The following PCDHA12 variants were observed in gnomAD, a reference collection of about 807,000 sequenced individuals.
PCDHA12 encodes the protein protocadherin alpha 12.
A neutral mutation model predicts 60.0 loss-of-function variants in PCDHA12; 44 were observed. The ratio of observed to expected loss-of-function variants is 0.73; its 90% CI spans 0.58 to 0.94. PCDHA12 has a LOEUF of 0.94. PCDHA12 is among the 40% of genes least tolerant of loss of function. PCDHA12 has a pLI of 0.00. For missense variants in PCDHA12, 1,276 were observed against 1,239.7 expected (o/e 1.03, Z -0.44); for synonymous variants, 569 against 553.0 (o/e 1.03, Z -0.40).
intron 3 of PCDHA12, among the ~76,000 whole-genome samples, chr5:140,995,541 G>T (rs1444257516): frequency 6.6e-5 from 10 of 152,186 alleles, no homozygotes; most frequent in Non-Finnish European, 1.3e-4. Context: ...CAAATAAGGG[G>T]CGATCACTGT....
At chr5:140,924,596 T>C (rs1309205821) in intron 1 of PCDHA12, among the ~76,000 whole-genome samples, 1 of 152,116 alleles carries the variant, frequency 6.6e-6, no homozygotes, top group Non-Finnish European at 1.5e-5. Context: ...TATAGAAATA[T>C]GCAGGCTGAT....
rs28619398 is a variant in PCDHA12 at position 140,895,037 on chromosome 5, C to T, written c.2367+17198C>T. 4.7e-3 allele frequency among the ~76,000 whole-genome samples: 720 copies of T among 152,250 alleles called. 7 individuals are homozygous for T. The highest frequency in any genetic ancestry group is 0.016 in the African/African-American group (670 of 41,558). ...TTTTCCTTTGTTTAATTGTCCCCCA[C>T]CCACACCATTCTGCTTCATATGGAC... is the stretch of plus-strand genomic sequence containing the variant. On this transcript the variant is annotated intron_variant, in intron 1 of 3. Transcript: ENST00000398631.
At chr5:140,884,665 A>G (rs1554181817) in intron 1 of PCDHA12, 9 of 1,578,032 alleles carry the variant, frequency 5.7e-6, no homozygotes, top group Non-Finnish European at 7.7e-6. Context: ...TGAAAGAGGT[A>G]AGCTTATATT....
rs565763627 is a variant in PCDHA12, at chr5:140,989,336, C to G, written c.2515+6773C>G. ...GTCTCACCAACTTTGCCACCTGACT[C>G]AGCTCAAAGGTGATAGGTCACCTGT... is the stretch of plus-strand genomic sequence containing the variant. On this transcript the variant is annotated intron_variant, in intron 3 of 3. Transcript: ENST00000398631. Among the ~76,000 whole-genome samples, 6 of 152,272 alleles carry G rather than the reference C, an allele frequency of 3.9e-5. 1 individual carries two copies. In the South Asian group the frequency reaches 1.0e-3, roughly 26 times the overall value.
Position 140,877,390 on chromosome 5 carries a change from G to C in PCDHA12, c.1918G>C (p.Ala640Pro). The change falls in exon 1 of 4, where the codon GCG becomes CCG. Residue 640 changes from alanine to proline, a missense_variant. Physicochemically the swap from Ala to Pro is conservative, Grantham distance 27. Transcript: ENST00000398631. The part of the protein sequence containing the change: ...EISTTRILDE[A>P]DAPRHRLLVL... ...CAGCACGACACGCATCCTGGATGAG[G>C]CGGACGCTCCGCGCCACCGCCTGCT... 6.2e-7 allele frequency: 1 copy of C among 1,613,986 alleles called. No homozygotes were observed. The highest frequency in any genetic ancestry group is 8.5e-7 in the Non-Finnish European group (1 of 1,179,888).
In PCDHA12 at chr5:141,010,039, T is replaced by G. The variant is rs2098415843; in HGVS notation, c.*102T>G. ...TCCTTTTTCCTATCTACATGAGCCCTCTTAGAGACCTCAGAAATCTGCAGA... is the reference window on the plus strand; with the variant it reads ...TCCTTTTTCCTATCTACATGAGCCCGCTTAGAGACCTCAGAAATCTGCAGA... On this transcript the variant is annotated 3_prime_UTR_variant, in exon 4 of 4. Coordinates refer to ENST00000398631, the MANE Select transcript of PCDHA12 (RefSeq NM_018903.4). The G allele has an allele frequency of 1.4e-5, 23 of 1,593,158 alleles. No homozygotes were observed. Among genetic ancestry groups the G allele is most frequent in the Non-Finnish European group, 1.8e-5 (21 of 1,170,616 alleles).
chr5:140,967,217 C>T, intron 1 of PCDHA12: 1 of 1,613,682 alleles, frequency 6.2e-7, no homozygotes, highest in Non-Finnish European at 8.5e-7. Flanking sequence ...TTTCCCGCGG[C>T]CCAACTACCA....
chr5:140,968,823 A>G (rs569036779), intron 1 of PCDHA12: 3 of 1,614,192 alleles, frequency 1.9e-6, no homozygotes, highest in Non-Finnish European at 2.5e-6. Context: ...AGGGTTTCCA[A>G]AATCCTCCCT....
chr5:140,910,127 C>T (rs1323587900), intron 1 of PCDHA12, among the ~76,000 whole-genome samples: 5 of 152,202 alleles, frequency 3.3e-5, no homozygotes, highest in African/African-American at 1.2e-4. Context: ...GGTCTGTAAA[C>T]TGGTTTAAGT....
At chr5:140,935,598 G>A (rs540310470) in intron 1 of PCDHA12, among the ~76,000 whole-genome samples, 5 of 152,148 alleles carry the variant, frequency 3.3e-5, no homozygotes, top group Admixed American at 6.5e-5. Context: ...TAGATACAGA[G>A]CTAGGCTTTT....
At chr5:140,977,227 A>G (rs149467858) in intron 1 of PCDHA12, among the ~76,000 whole-genome samples, 4 of 152,288 alleles carry the variant, frequency 2.6e-5, no homozygotes, top group African/African-American at 7.2e-5. Context: ...ATGTTACCCA[A>G]TCATAGAAAA....
rs2098420803 is a variant in PCDHA12, at chr5:141,011,492, A to G, written c.*1555A>G. 1 of 153,698 alleles carries G rather than the reference A, an allele frequency of 6.5e-6. No individual in the cohort carries two copies. Among genetic ancestry groups the G allele is most frequent in the African/African-American group, 2.4e-5 (1 of 41,432 alleles). 9.5% of individuals were successfully genotyped at this position (153,698 alleles called of 1,614,324 possible). A position where few individuals can be genotyped will look rare whatever the true frequency, so the allele number is the denominator to read the frequency against. On this transcript the variant is annotated 3_prime_UTR_variant, in exon 4 of 4. Transcript: ENST00000398631. ...AATTCCATTATATTTCCTTTTGTAC[A>G]CCTGTGAAAAAGTGGAGTAGTGTTT... is the stretch of plus-strand genomic sequence containing the variant.
chr5:141,002,649 T>C (rs2098089134), intron 3 of PCDHA12, among the ~76,000 whole-genome samples: 2 of 152,214 alleles, frequency 1.3e-5, no homozygotes, highest in South Asian at 2.1e-4. Context: ...GTCTACTTCA[T>C]AGGGCTCTTG....
chr5:140,928,802 TG>T, intron 1 of PCDHA12: 1 of 1,614,142 alleles, frequency 6.2e-7, no homozygotes, highest in South Asian at 1.1e-5. Context: ...GTGGTGGTAG[TG>T]GTTCGGGACC....
intron 3 of PCDHA12, among the ~76,000 whole-genome samples, chr5:141,000,558 G>C (rs1462892656): frequency 6.7e-6 from 1 of 149,136 alleles, no homozygotes; most frequent in African/African-American, 2.5e-5. Context: ...CTCCCGAGTA[G>C]CTGGGATTAC....
chr5:140,890,097 C>G (rs1554184163), intron 1 of PCDHA12, among the ~76,000 whole-genome samples: 1 of 152,136 alleles, frequency 6.6e-6, no homozygotes, highest in African/African-American at 2.4e-5. Context: ...AATTTATTCC[C>G]AACTCTGGAT....
intron 1 of PCDHA12, among the ~76,000 whole-genome samples, chr5:140,892,931 G>A (rs77081198): frequency 0.011 from 1,609 of 152,196 alleles, 17 homozygotes; most frequent in African/African-American, 0.028. Flanking sequence ...CCCAGCCTCT[G>A]ATAAGCACAA....
intron 1 of PCDHA12, among the ~76,000 whole-genome samples, chr5:140,898,022 T>A (rs1235447722): frequency 6.6e-6 from 1 of 152,202 alleles, no homozygotes; most frequent in Non-Finnish European, 1.5e-5. Flanking sequence ...CTTTGCCCAC[T>A]TTTTGATGGG....
At chr5:141,002,726 A>C (rs1488452359) in intron 3 of PCDHA12, among the ~76,000 whole-genome samples, 1 of 152,250 alleles carries the variant, frequency 6.6e-6, no homozygotes, top group Non-Finnish European at 1.5e-5. Context: ...GGAAGGGCAC[A>C]GTAAATGTTA....
Sources: allele counts gnomAD v4.1 joint callset (sites outside exome capture counted in the v4.1 genomes callset), GRCh38; gene constraint gnomAD v4.1.1; transcripts MANE v1.5; gene names NCBI Gene and HGNC (gene_info 2026-07-23, HGNC 2026-07-21).